The following PTK2 variants were observed in gnomAD, a reference collection of about 807,000 sequenced individuals.
The protein encoded by PTK2 is focal adhesion kinase 1.
Under a neutral mutation model 150.1 loss-of-function variants are expected in PTK2, and 45 were observed. The observed-to-expected ratio is 0.30, with a 90% CI of 0.24 to 0.38. The LOEUF (loss-of-function observed/expected upper bound fraction) is 0.38. Ranked by LOEUF, PTK2 falls within the 10% of genes least tolerant of loss-of-function variation. The probability of loss-of-function intolerance (pLI) is 1.00; values close to 1 mark genes in which losing one functional copy is unlikely to be tolerated. For missense variants in PTK2, 919 were observed against 1,307.3 expected (o/e 0.70, Z 4.58); for synonymous variants, 432 against 449.2 (o/e 0.96, Z 0.48).
intron 2 of PTK2, among the ~76,000 whole-genome samples, chr8:140,911,284 A>G (rs564321210): frequency 5.3e-5 from 8 of 152,154 alleles, no homozygotes; most frequent in Admixed American, 3.3e-4. Flanking sequence ...ATATTTAGTG[A>G]AGAGCCGGCA....
At chr8:140,926,946 C>G (rs2100169672) in intron 1 of PTK2, among the ~76,000 whole-genome samples, 1 of 152,124 alleles carries the variant, frequency 6.6e-6, no homozygotes, top group Admixed American at 6.5e-5. Flanking sequence ...TCTGTTTTGA[C>G]ATATATACAG....
chr8:140,785,177 C>T (rs996165361), intron 14 of PTK2, among the ~76,000 whole-genome samples: 1 of 152,176 alleles, frequency 6.6e-6, no homozygotes, highest in African/African-American at 2.4e-5. Context: ...TACAGGTAAT[C>T]CCTTGAGAGC....
chr8:140,900,569 A>G (rs1191521979), intron 2 of PTK2, among the ~76,000 whole-genome samples: 1 of 152,058 alleles, frequency 6.6e-6, no homozygotes, highest in Admixed American at 6.5e-5. Context: ...TAAAATTACA[A>G]AAATTTGCCA....
At chr8:140,986,085 C>G (rs1028720750) in intron 1 of PTK2, among the ~76,000 whole-genome samples, 1 of 152,232 alleles carries the variant, frequency 6.6e-6, no homozygotes. Context: ...CAAGCCATAT[C>G]TATCCACTAG....
chr8:140,910,374 G>A (rs1159779292), intron 2 of PTK2, among the ~76,000 whole-genome samples: 3 of 151,380 alleles, frequency 2.0e-5, no homozygotes, highest in South Asian at 2.1e-4. Flanking sequence ...AACAGTTTTT[G>A]GCCAATATAA....
chr8:140,766,130 G>C (rs1006626882), intron 14 of PTK2, among the ~76,000 whole-genome samples: 1 of 152,144 alleles, frequency 6.6e-6, no homozygotes, highest in Admixed American at 6.5e-5. Flanking sequence ...CAGCTGCCCT[G>C]TTATCCAAAC....
At chr8:140,873,656 G>C (rs1032267757) in intron 4 of PTK2, among the ~76,000 whole-genome samples, 51 of 152,052 alleles carry the variant, frequency 3.4e-4, no homozygotes, top group African/African-American at 1.2e-3. Flanking sequence ...GTAGAGGCGG[G>C]GGTTTCACCA....
intron 2 of PTK2, chr8:140,920,791 A>T (rs1316723759): frequency 6.8e-7 from 1 of 1,460,170 alleles, no homozygotes; most frequent in African/African-American, 1.5e-5. Context: ...ATAAAACGGA[A>T]CATATTTTTA....
At chr8:140,867,087 T>C (rs903593433) in intron 4 of PTK2, among the ~76,000 whole-genome samples, 45 of 151,952 alleles carry the variant, frequency 3.0e-4, no homozygotes, top group African/African-American at 1.1e-3. Context: ...GGGCAGTGAG[T>C]AGAAATGAAG....
chr8:140,905,662 G>C (rs910483749), intron 2 of PTK2, among the ~76,000 whole-genome samples: 1 of 152,122 alleles, frequency 6.6e-6, no homozygotes, highest in African/African-American at 2.4e-5. Context: ...ACTCAGCTCT[G>C]GACCAAGCGG....
intron 2 of PTK2, among the ~76,000 whole-genome samples, chr8:140,910,334 A>C (rs2100162618): frequency 6.6e-6 from 1 of 152,034 alleles, no homozygotes; most frequent in African/African-American, 2.4e-5. Context: ...TTTTTTTTTA[A>C]TATGAAAGAC....
chr8:140,961,018 T>A (rs1411909709), intron 1 of PTK2, among the ~76,000 whole-genome samples: 2 of 152,118 alleles, frequency 1.3e-5, no homozygotes, highest in Non-Finnish European at 2.9e-5. Context: ...AGAGCACTTT[T>A]CCTTGGAAAT....
intron 12 of PTK2, among the ~76,000 whole-genome samples, chr8:140,800,156 A>C (rs989419765): frequency 6.6e-6 from 1 of 152,200 alleles, no homozygotes; most frequent in Non-Finnish European, 1.5e-5. Context: ...TAAACCCAAA[A>C]TTTTAAAAAT....
chr8:140,665,597 A>G (rs1365823739), intron 30 of PTK2, among the ~76,000 whole-genome samples: 1 of 152,186 alleles, frequency 6.6e-6, no homozygotes, highest in African/African-American at 2.4e-5. Flanking sequence ...TAAAACAAAT[A>G]ATTTTAAACT....
At chr8:140,766,856 G>A (rs916335139) in intron 14 of PTK2, among the ~76,000 whole-genome samples, 5 of 152,206 alleles carry the variant, frequency 3.3e-5, no homozygotes, top group African/African-American at 1.2e-4. Context: ...CTGTGCCCTC[G>A]TGGGTAAAAT....
intron 1 of PTK2, among the ~76,000 whole-genome samples, chr8:140,959,246 G>C (rs11775023): frequency 0.42 from 63,351 of 151,720 alleles, 15,135 homozygotes; most frequent in Non-Finnish European, 0.55. Context: ...TTAAACAAAA[G>C]TAGGCCGGGC....
chr8:140,922,026 T>C (rs2100167652), intron 2 of PTK2, among the ~76,000 whole-genome samples: 2 of 127,674 alleles, frequency 1.6e-5, no homozygotes, highest in Non-Finnish European at 3.9e-5. Flanking sequence ...ATTTTGTTAG[T>C]AGTACATTTG....
At chr8:140,694,688 G>A (rs1289952107) in intron 26 of PTK2, among the ~76,000 whole-genome samples, 3 of 152,158 alleles carry the variant, frequency 2.0e-5, no homozygotes, top group African/African-American at 4.8e-5. Context: ...CAAAGGCCAA[G>A]ACCCAGAAAC....
At chr8:140,716,090 C>T (rs1051398379) in intron 23 of PTK2, among the ~76,000 whole-genome samples, 1 of 152,142 alleles carries the variant, frequency 6.6e-6, no homozygotes, top group East Asian at 1.9e-4. Context: ...TTCTTAACAT[C>T]CCCACCCAAG....
Sources: gnomAD v4.1 joint callset for allele counts (sites outside exome capture counted in the v4.1 genomes callset) on GRCh38, gnomAD v4.1.1 for gene constraint, MANE v1.5 for transcripts, NCBI Gene and HGNC (gene_info 2026-07-23, HGNC 2026-07-21) for gene names.